The following ADGRB3 variants were observed in gnomAD, a reference collection of about 807,000 sequenced individuals.
The protein encoded by ADGRB3 is brain-specific angiogenesis inhibitor 3.
ADGRB3 carries 37 observed loss-of-function variants against 193.4 expected under a neutral mutation model. The ratio of observed to expected loss-of-function variants is 0.19; its 90% confidence interval spans 0.15 to 0.25. ADGRB3 has a LOEUF of 0.25. Among genes scored for constraint, ADGRB3 ranks in the 10% least tolerant of loss-of-function variants. ADGRB3 has a pLI of 1.00. For synonymous variants in ADGRB3, 690 were observed against 644.2 expected, an observed-to-expected ratio of 1.07 and a Z score of -1.08; for missense variants, 1,637 against 1,852.9, an observed-to-expected ratio of 0.88 and a Z score of 2.14.
At chr6:69,004,312 T>C (rs1769675234) in intron 11 of ADGRB3, among the ~76,000 whole-genome samples, 1 of 152,162 alleles carries the variant, frequency 6.6e-6, no homozygotes, top group Admixed American at 6.6e-5. Context: ...GGCTTGTAGA[T>C]GGCTGCCTTC....
At chr6:69,364,489 G>A (rs1769526804) in intron 29 of ADGRB3, among the ~76,000 whole-genome samples, 1 of 151,970 alleles carries the variant, frequency 6.6e-6, no homozygotes, top group South Asian at 2.1e-4. Context: ...GATATAAAAA[G>A]TTCAATAAAT....
At chr6:68,766,012 G>A (rs1219975679) in intron 3 of ADGRB3, among the ~76,000 whole-genome samples, 1 of 151,736 alleles carries the variant, frequency 6.6e-6, no homozygotes, top group Non-Finnish European at 1.5e-5. Flanking sequence ...AAATTTATAT[G>A]CCATTATATT....
intron 3 of ADGRB3, among the ~76,000 whole-genome samples, chr6:68,826,775 C>T (rs1767851865): frequency 1.3e-5 from 2 of 152,064 alleles, no homozygotes; most frequent in Admixed American, 1.3e-4. Flanking sequence ...GTAAAGAATA[C>T]AGGACTTGTT....
At chr6:69,354,512 ATGT>A (rs1436194752) in intron 27 of ADGRB3, among the ~76,000 whole-genome samples, 184 bp downstream of exon 27, 3 of 152,210 alleles carry the variant, frequency 2.0e-5, no homozygotes, top group African/African-American at 4.8e-5. Context: ...AGTCCAGGAC[ATGT>A]TGTTGGCTCC....
intron 3 of ADGRB3, among the ~76,000 whole-genome samples, chr6:68,916,874 G>A (rs373107151): frequency 5.1e-4 from 78 of 152,270 alleles, no homozygotes; most frequent in East Asian, 4.1e-3. Flanking sequence ...TTTTTCATAC[G>A]AGACAGGGTA....
At chr6:69,121,045 TTC>T (rs1773669867) in intron 17 of ADGRB3, among the ~76,000 whole-genome samples, 1 of 151,492 alleles carries the variant, frequency 6.6e-6, no homozygotes, top group African/African-American at 2.4e-5. Flanking sequence ...TCTTGGGTGT[TTC>T]TCAGAGAGGG....
chr6:69,060,204 CTGTCTCTCTCTCTCTT>C (rs1279316057), intron 15 of ADGRB3, among the ~76,000 whole-genome samples: 2 of 145,984 alleles, frequency 1.4e-5, no homozygotes, highest in Non-Finnish European at 3.0e-5. Flanking sequence ...CTCTCTTTCT[CTGTCTCTCTCTCTCTT>C]TCTCTCTCTC....
At chr6:68,656,100 G>A (rs1208695893) in intron 3 of ADGRB3, among the ~76,000 whole-genome samples, 1 of 151,496 alleles carries the variant, frequency 6.6e-6, no homozygotes, top group Non-Finnish European at 1.5e-5. Context: ...CTTGCTTGCT[G>A]CCTCCATTTT....
At chr6:68,766,254 C>T (rs755145584) in intron 3 of ADGRB3, among the ~76,000 whole-genome samples, 60 of 151,850 alleles carry the variant, frequency 4.0e-4, no homozygotes, top group Non-Finnish European at 6.8e-4. Flanking sequence ...TCATTGAATG[C>T]TCAGATTATT....
rs780484802 is a variant in ADGRB3 at position 69,355,886 on chromosome 6, T to C, written c.3595+26T>C. Reference sequence around the variant, plus strand: ...GTAAGAATATTTAGATTTTGAAATCTAATCAGTAGGGATGTTCAATCATTT... The same window carrying C: ...GTAAGAATATTTAGATTTTGAAATCCAATCAGTAGGGATGTTCAATCATTT... On this transcript the variant is annotated intron_variant, in intron 28 of 31. Transcript: ENST00000370598. 3 of 1,550,132 alleles carry C rather than the reference T, an allele frequency of 1.9e-6. No homozygotes were observed. The African/African-American group carries it at 4.1e-5, about 21-fold the overall frequency.
At chr6:68,947,420 T>C (rs1464479153) in intron 6 of ADGRB3, among the ~76,000 whole-genome samples, 1 of 152,118 alleles carries the variant, frequency 6.6e-6, no homozygotes, top group Non-Finnish European at 1.5e-5. Flanking sequence ...AAATTTTCTT[T>C]TATTTCCTGT....
chr6:68,944,325 T>A (rs771999517), intron 6 of ADGRB3, among the ~76,000 whole-genome samples: 1 of 152,190 alleles, frequency 6.6e-6, no homozygotes, highest in Non-Finnish European at 1.5e-5. Context: ...AATTATTGCC[T>A]TCACACTGGA....
chr6:68,913,225 T>C (rs952449807), intron 3 of ADGRB3, among the ~76,000 whole-genome samples: 1 of 152,174 alleles, frequency 6.6e-6, no homozygotes, highest in Non-Finnish European at 1.5e-5. Flanking sequence ...TATCTGAGAA[T>C]GGGCAGACTG....
intron 8 of ADGRB3, among the ~76,000 whole-genome samples, chr6:68,971,750 C>T (rs1432777190): frequency 6.6e-6 from 1 of 152,194 alleles, no homozygotes; most frequent in East Asian, 1.9e-4. Context: ...GATCAGAAAC[C>T]AACTGATTAC....
At chr6:68,919,131 G>T (rs1766957239) in intron 3 of ADGRB3, among the ~76,000 whole-genome samples, 2 of 151,818 alleles carry the variant, frequency 1.3e-5, no homozygotes, top group Non-Finnish European at 2.9e-5. Context: ...TTATTACTCT[G>T]CAATTATGTA....
At chr6:68,852,885 A>G (rs989461624) in intron 3 of ADGRB3, among the ~76,000 whole-genome samples, 6 of 152,042 alleles carry the variant, frequency 3.9e-5, no homozygotes, top group Non-Finnish European at 8.8e-5. Flanking sequence ...GGCTCTGAGT[A>G]TGGAATAATG....
Position 68,719,569 on chromosome 6 carries a change from A to G in ADGRB3, c.757+80137A>G, listed in dbSNP as rs916967907. ...TGTTTAATTAACAGTTACACATTGG[A>G]AAGATACTCTTTGTGATCCCTAGTT... On this transcript the variant is annotated intron_variant, in intron 3 of 31. Transcript: ENST00000370598. Among the ~76,000 whole-genome samples, 13 of 151,886 alleles carry G rather than the reference A, an allele frequency of 8.6e-5. No homozygotes were observed. In the East Asian group the frequency reaches 2.1e-3, roughly 25 times the overall value.
At chr6:69,201,241 A>C (rs1017878879) in intron 17 of ADGRB3, among the ~76,000 whole-genome samples, 2 of 152,062 alleles carry the variant, frequency 1.3e-5, no homozygotes, top group African/African-American at 4.8e-5. Context: ...CACTTTATAG[A>C]AAAGTCTTTT....
At chr6:69,345,093 T>C (rs1485265408) in intron 26 of ADGRB3, among the ~76,000 whole-genome samples, 1 of 152,166 alleles carries the variant, frequency 6.6e-6, no homozygotes, top group Non-Finnish European at 1.5e-5. Flanking sequence ...TGTTTTGTGC[T>C]TTCTGGTCAG....
Sources: gnomAD v4.1 joint callset for allele counts (sites outside exome capture counted in the v4.1 genomes callset) on GRCh38, gnomAD v4.1.1 for gene constraint, MANE v1.5 for transcripts, NCBI Gene and HGNC (gene_info 2026-07-23, HGNC 2026-07-21) for gene names.